Variants in CALN1 observed in about 807,000 individuals in gnomAD.
The protein encoded by CALN1 is calcium-binding protein 8.
In CALN1, 17 loss-of-function variants were observed where a neutral mutation model predicts 30.6. That is an observed-to-expected ratio of 0.56 (90% CI 0.38 to 0.83). The LOEUF (loss-of-function observed/expected upper bound fraction) is 0.83. Ranked by LOEUF, CALN1 falls within the 40% of genes least tolerant of loss-of-function variation. The pLI, the probability that CALN1 is intolerant of heterozygous loss-of-function variation, is 0.00. For missense variants in CALN1, 291 were observed against 354.9 expected, an observed-to-expected ratio of 0.82 and a Z score of 1.45; for synonymous variants, 156 against 131.4, an observed-to-expected ratio of 1.19 and a Z score of -1.28.
chr7:71,797,772 C>G (rs1787015627), intron 6 of CALN1, among the ~76,000 whole-genome samples: 1 of 152,120 alleles, frequency 6.6e-6, no homozygotes, highest in South Asian at 2.1e-4. Flanking sequence ...CAAAATTCAT[C>G]TTTTGTGGTT....
intron 1 of CALN1, among the ~76,000 whole-genome samples, chr7:72,420,757 C>A (rs994261401): frequency 1.3e-5 from 2 of 151,436 alleles, no homozygotes; most frequent in Non-Finnish European, 2.9e-5. Context: ...GTAGCTGGGA[C>A]TACAGGAGCC....
At chr7:71,835,749 G>T (rs1480739948) in intron 5 of CALN1, among the ~76,000 whole-genome samples, 1 of 152,194 alleles carries the variant, frequency 6.6e-6, no homozygotes, top group Non-Finnish European at 1.5e-5. Context: ...TCAAGGCAGA[G>T]AAAACTGTAG....
intron 2 of CALN1, among the ~76,000 whole-genome samples, chr7:72,318,577 A>G (rs1233625265): frequency 6.6e-6 from 1 of 151,914 alleles, no homozygotes; most frequent in African/African-American, 2.4e-5. Flanking sequence ...GTCTTGCTCT[A>G]TTACCCAGGC....
At chr7:72,216,713 G>C (rs1382362651) in intron 3 of CALN1, among the ~76,000 whole-genome samples, 1 of 152,140 alleles carries the variant, frequency 6.6e-6, no homozygotes, top group Non-Finnish European at 1.5e-5. Context: ...AAGCTGAGTG[G>C]TCCCCTGAGC....
At chr7:72,062,174 C>A (rs887052824) in intron 4 of CALN1, among the ~76,000 whole-genome samples, 1 of 152,162 alleles carries the variant, frequency 6.6e-6, no homozygotes, top group African/African-American at 2.4e-5. Context: ...ATTGTCAGCA[C>A]ACCTGCTCTA....
chr7:72,305,034 T>C (rs962262892), intron 2 of CALN1, among the ~76,000 whole-genome samples: 1 of 152,224 alleles, frequency 6.6e-6, no homozygotes, highest in African/African-American at 2.4e-5. Flanking sequence ...TACAGTGACC[T>C]GCAGCCTCGC....
chr7:72,130,230 T>C (rs963656581), intron 3 of CALN1, among the ~76,000 whole-genome samples: 10 of 152,326 alleles, frequency 6.6e-5, no homozygotes, highest in African/African-American at 2.4e-4. Flanking sequence ...AAACCTGTTT[T>C]CTTTATAAGC....
intron 2 of CALN1, among the ~76,000 whole-genome samples, chr7:72,387,857 T>C (rs1407123597): frequency 6.6e-6 from 1 of 151,946 alleles, no homozygotes; most frequent in African/African-American, 2.4e-5. Context: ...AAGTTGAAAG[T>C]AGAACAGTGG....
intron 5 of CALN1, among the ~76,000 whole-genome samples, chr7:71,993,346 G>A (rs898873855): frequency 1.3e-4 from 20 of 152,054 alleles, no homozygotes; most frequent in Non-Finnish European, 2.6e-4. Context: ...TGTGCCTGTA[G>A]TCCTAGCTAC....
At chr7:72,268,414 T>C (rs1796735090) in intron 3 of CALN1, among the ~76,000 whole-genome samples, 1 of 152,178 alleles carries the variant, frequency 6.6e-6, no homozygotes, top group Admixed American at 6.5e-5. Flanking sequence ...CTGTAGGCTG[T>C]AGAGAGCTAT....
At chr7:72,501,770 G>A in the CALN1 span, among the ~76,000 whole-genome samples, 5 of 150,404 alleles carry the variant, frequency 3.3e-5, no homozygotes, top group African/African-American at 7.3e-5. Context: ...TTAGCTGGGC[G>A]TGGTGGTGGG....
At chr7:72,074,432 G>C (rs1804599482) in intron 4 of CALN1, among the ~76,000 whole-genome samples, 1 of 152,102 alleles carries the variant, frequency 6.6e-6, no homozygotes, top group Non-Finnish European at 1.5e-5. Context: ...TTTTGAGACA[G>C]GGTCTCGCTC....
At chr7:72,333,999 A>G (rs571263697) in intron 2 of CALN1, among the ~76,000 whole-genome samples, 3 of 152,286 alleles carry the variant, frequency 2.0e-5, no homozygotes, top group East Asian at 3.9e-4. Context: ...CGCACATAGG[A>G]TCGAAACCCA....
intron 2 of CALN1, among the ~76,000 whole-genome samples, chr7:72,328,117 A>T (rs921296944): frequency 3.5e-4 from 33 of 93,350 alleles, no homozygotes; most frequent in South Asian, 1.0e-3. Flanking sequence ...TTCTTTTTTT[A>T]AAAAAAAAAT....
the CALN1 span, among the ~76,000 whole-genome samples, chr7:72,484,807 G>C: frequency 5.3e-5 from 8 of 152,084 alleles, no homozygotes; most frequent in African/African-American, 1.9e-4. Flanking sequence ...GGCTTGCCTC[G>C]TTTCTTTATC....
In CALN1 at chr7:71,810,326, G is replaced by A. The variant is rs1317849002; in HGVS notation, c.658+10C>T. 6.2e-7 allele frequency: 1 copy of A among 1,612,664 alleles called. No individual in the cohort carries two copies. Among genetic ancestry groups the A allele is most frequent in the Non-Finnish European group, 8.5e-7 (1 of 1,179,376 alleles). On this transcript the variant is annotated intron_variant, in intron 6 of 6. Transcript: ENST00000395275. ...CGGACCGGGGAGGGGATGGCAGCAG[G>A]GGCACCTACCTCCTTCAAACTCTGT... is the stretch of plus-strand genomic sequence containing the variant.
intron 4 of CALN1, among the ~76,000 whole-genome samples, chr7:72,087,051 C>T (rs951203633): frequency 6.6e-6 from 1 of 152,116 alleles, no homozygotes; most frequent in African/African-American, 2.4e-5. Flanking sequence ...ATTACCCTAA[C>T]CATAATAAAT....
chr7:72,335,377 G>A (rs1292390905), intron 2 of CALN1, among the ~76,000 whole-genome samples: 1 of 152,182 alleles, frequency 6.6e-6, no homozygotes, highest in African/African-American at 2.4e-5. Context: ...AATGCTAGGA[G>A]CTCATGAGTT....
rs145358729 is a variant in CALN1 at position 72,141,339 on chromosome 7, C to T, written c.245-35045G>A. ...AAAAGGCCAGGTGCAGTGGCTCACA[C>T]CTGCAATCCTAGCACTTTGGGAGGC... On this transcript the variant is annotated intron_variant, in intron 3 of 6. Coordinates refer to ENST00000395275, the MANE Select transcript of CALN1 (RefSeq NM_031468.4). 2.4e-3 allele frequency among the ~76,000 whole-genome samples: 370 copies of T among 152,154 alleles called. 3 individuals are homozygous for T. The highest frequency in any genetic ancestry group is 0.015 in the South Asian group (72 of 4,804).
Sources: allele counts gnomAD v4.1 joint callset (sites outside exome capture counted in the v4.1 genomes callset), GRCh38; gene constraint gnomAD v4.1.1; transcripts MANE v1.5; gene names NCBI Gene and HGNC (gene_info 2026-07-23, HGNC 2026-07-21).